The following ALG12 variants were observed in gnomAD, a reference collection of about 807,000 sequenced individuals.
ALG12 encodes ALG12 alpha-1,6-mannosyltransferase, also known as dol-P-Man:Man(7)GlcNAc(2)-PP-Dol alpha-1,6-mannosyltransferase.
Under a neutral mutation model 46.0 loss-of-function variants are expected in ALG12, and 36 were observed. That is an observed-to-expected ratio of 0.78 (90% CI 0.60 to 1.03). The LOEUF is 1.03. Among genes scored for constraint, ALG12 ranks in the 50% least tolerant of loss-of-function variants. The pLI is 0.00. For missense variants in ALG12, 599 were observed against 633.5 expected, an observed-to-expected ratio of 0.95 and a Z score of 0.58; for synonymous variants, 326 against 291.6, an observed-to-expected ratio of 1.12 and a Z score of -1.20.
chr22:49,904,110 G>A (rs566574424), intron 9 of ALG12, 44 bp from the exon 10 acceptor site: 138 of 1,613,808 alleles, frequency 8.6e-5, no homozygotes, highest in Non-Finnish European at 1.1e-4. Flanking sequence ...CCCCCACATC[G>A]CCCTGTCCCC....
downstream of ALG12, among the ~76,000 whole-genome samples, chr22:49,899,864 G>A (rs1471338373): frequency 6.6e-6 from 1 of 151,940 alleles, no homozygotes; most frequent in Non-Finnish European, 1.5e-5. Context: ...AGGAGAGAGT[G>A]TTAGGTGAAA....
chr22:49,913,179 G>A (rs2060589326), intron 3 of ALG12, among the ~76,000 whole-genome samples: 1 of 152,248 alleles, frequency 6.6e-6, no homozygotes, highest in Non-Finnish European at 1.5e-5. Flanking sequence ...TAATTTCACA[G>A]TCAAGAGTGT....
chr22:49,909,692 A>C (rs2060564317), intron 5 of ALG12, among the ~76,000 whole-genome samples: 1 of 152,232 alleles, frequency 6.6e-6, no homozygotes, highest in Admixed American at 6.5e-5. Context: ...GGGACAGACC[A>C]GTGAACAGGG....
chr22:49,905,697 G>A lies in ALG12; in HGVS notation c.993-1191C>T, dbSNP rs185505399. Among the ~76,000 whole-genome samples, 3 of 152,312 alleles carry A rather than the reference G, an allele frequency of 2.0e-5. No homozygotes were observed. The highest frequency in any genetic ancestry group is 6.5e-5 in the Admixed American group (1 of 15,294). ...AGCAGACACCAGTACCACGCTTCCC[G>A]TACAGCCTGCGGAACCGCGAGCCAA... On this transcript the variant is annotated intron_variant, in intron 7 of 9. Transcript: ENST00000330817. The surrounding 1 kb of genome is among the most constrained non-coding windows in gnomAD (Gnocchi z 4.9).
the ALG12 span, among the ~76,000 whole-genome samples, chr22:49,892,658 C>T: frequency 6.6e-6 from 1 of 152,218 alleles, no homozygotes; most frequent in East Asian, 1.9e-4. Flanking sequence ...GGTGAGTCCC[C>T]TGAAGGGCAA....
In ALG12 at chr22:49,903,273, ATG is replaced by A; in HGVS notation, c.*563_*564del. The stretch of plus-strand genomic sequence containing the variant: ...TTCTTTTTATCTCATTCCTTTTTGA[ATG>A]TGTTTATCTCCTAAGATTTTATCTG... On this transcript the variant is annotated 3_prime_UTR_variant, in exon 10 of 10. Coordinates refer to ENST00000330817, the MANE Select transcript of ALG12 (RefSeq NM_024105.4). 1 of 448,884 alleles carries A rather than the reference ATG, an allele frequency of 2.2e-6. No individual in the cohort carries two copies. The highest frequency in any genetic ancestry group is 4.4e-6 in the Non-Finnish European group (1 of 224,950). 27.8% of individuals were successfully genotyped at this position (448,884 alleles called of 1,614,324 possible). A position where few individuals can be genotyped will look rare whatever the true frequency, so the allele number is the denominator to read the frequency against.
intron 3 of ALG12, among the ~76,000 whole-genome samples, chr22:49,912,520 C>G (rs537149632): frequency 1.3e-5 from 2 of 152,306 alleles, no homozygotes; most frequent in East Asian, 3.9e-4. Flanking sequence ...GTCCAGCTGT[C>G]CCCGTGCCAT....
At chr22:49,864,938 C>CG in the ALG12 span, among the ~76,000 whole-genome samples, 1 of 7,392 alleles carries the variant, frequency 1.4e-4, no homozygotes. Context: ...TCCCAGCAAG[C>CG]CCCCCCCCCC....
the ALG12 span, chr22:49,886,708 C>T: frequency 6.2e-7 from 1 of 1,613,360 alleles, no homozygotes; most frequent in Non-Finnish European, 8.5e-7. This position sits in a 1 kb window ranked among gnomAD's most constrained non-coding sequence, Gnocchi z 7.7. Flanking sequence ...CAAGGCCTCC[C>T]TGTTTACGGA....
chr22:49,914,747 T>G (rs1346585096), intron 1 of ALG12, among the ~76,000 whole-genome samples: 2 of 152,248 alleles, frequency 1.3e-5, no homozygotes, highest in East Asian at 3.8e-4. Flanking sequence ...TTAAAAATTT[T>G]TTTTAAGAGA....
intron 8 of ALG12, 36 bp from the exon 9 acceptor site, chr22:49,904,290 T>A (rs768700632): frequency 6.2e-7 from 1 of 1,614,124 alleles, no homozygotes. Context: ...AGCCCAGCCC[T>A]GCAGTCGGAG....
At chr22:49,885,884 G>A in the ALG12 span, 15 of 1,198,864 alleles carry the variant, frequency 1.3e-5, no homozygotes, top group East Asian at 4.7e-5. Flanking sequence ...AACCAGACCC[G>A]TGAGTACCTG....
intron 3 of ALG12, among the ~76,000 whole-genome samples, chr22:49,912,065 A>ACCCTC: frequency 8.6e-6 from 1 of 115,996 alleles, no homozygotes; most frequent in African/African-American, 4.3e-5. Flanking sequence ...CCGCGGGATC[A>ACCCTC]GCCTGGCCCC....
the ALG12 span, among the ~76,000 whole-genome samples, chr22:49,891,136 T>C: frequency 1.3e-5 from 2 of 152,242 alleles, no homozygotes; most frequent in African/African-American, 2.4e-5. Context: ...TTGTCCACAT[T>C]TGCCTTGACT....
the ALG12 span, among the ~76,000 whole-genome samples, chr22:49,861,455 A>C: frequency 6.6e-6 from 1 of 151,974 alleles, no homozygotes; most frequent in African/African-American, 2.4e-5. Context: ...TTGTTTTGAG[A>C]TAGCGTCTGG....
In ALG12 at chr22:49,901,805, GGTGT is replaced by G. The variant is rs919717161; in HGVS notation, c.*2029_*2032del. On this transcript the variant is annotated 3_prime_UTR_variant, in exon 10 of 10. Transcript: ENST00000330817. The stretch of plus-strand genomic sequence containing the variant: ...TGCACTGTGTGTGGTATGTATGCAT[GGTGT>G]GTGCACGTGTGCACTGTGTGTATGC... 1 of 144,716 alleles carries G rather than the reference GGTGT, an allele frequency of 6.9e-6. No individual in the cohort carries two copies. The highest frequency in any genetic ancestry group is 1.5e-5 in the Non-Finnish European group (1 of 67,066). The allele number at this position is 144,716 out of a possible 1,614,324, so 9.0% of individuals were successfully genotyped here.
the ALG12 span, among the ~76,000 whole-genome samples, chr22:49,890,317 CA>C: frequency 8.5e-5 from 13 of 152,226 alleles, no homozygotes; most frequent in Admixed American, 8.5e-4. Context: ...TTAAAACCAC[CA>C]ACAATGACAA....
At chr22:49,907,682 T>G (rs772631064) in intron 7 of ALG12, 39 bp downstream of exon 7, 1 of 1,594,608 alleles carries the variant, frequency 6.3e-7, no homozygotes, top group East Asian at 2.2e-5. Flanking sequence ...CTGTTTCCAA[T>G]GAAACTATAA....
Position 49,903,114 on chromosome 22 carries a change from C to A in ALG12, c.*724G>T. 1 of 353,092 alleles carries A rather than the reference C, an allele frequency of 2.8e-6. No homozygotes were observed. The highest frequency in any genetic ancestry group is 5.5e-6 in the Non-Finnish European group (1 of 180,234). 21.9% of individuals were successfully genotyped at this position (353,092 alleles called of 1,614,324 possible). On this transcript the variant is annotated 3_prime_UTR_variant, in exon 10 of 10. Transcript: ENST00000330817. ...AATGCATGGTCAGTGAGGCTGACAG[C>A]ACCAAGCTGTCCCTTTACCATAACA...
Sources: gnomAD v4.1 joint callset for allele counts (sites outside exome capture counted in the v4.1 genomes callset) on GRCh38, gnomAD v4.1.1 for gene constraint, Gnocchi (gnomAD v3.1) non-coding constraint, MANE v1.5 for transcripts, NCBI Gene and HGNC (gene_info 2026-07-23, HGNC 2026-07-21) for gene names.